The following POLD1 variants were observed in gnomAD, a reference collection of about 807,000 sequenced individuals.
POLD1 encodes DNA polymerase delta 1, catalytic subunit.
POLD1 carries 79 observed loss-of-function variants against 129.7 expected under a neutral mutation model. The ratio of observed to expected loss-of-function variants is 0.61; its 90% confidence interval spans 0.51 to 0.73. The LOEUF (loss-of-function observed/expected upper bound fraction) is 0.73. Among genes scored for constraint, POLD1 ranks in the 30% least tolerant of loss-of-function variants. The probability of loss-of-function intolerance (pLI) is 0.00; values close to 1 mark genes in which losing one functional copy is unlikely to be tolerated. For missense variants in POLD1, 1,338 were observed against 1,595.8 expected (o/e 0.84, Z 2.75); for synonymous variants, 714 against 683.3 (o/e 1.04, Z -0.70).
intron 1 of POLD1, among the ~76,000 whole-genome samples, chr19:50,386,319 G>A (rs1309599182): frequency 6.6e-6 from 1 of 151,930 alleles, no homozygotes; most frequent in Non-Finnish European, 1.5e-5. Flanking sequence ...TGTATTTTTA[G>A]TAGAGACAGG....
chr19:50,411,732 C>T (rs1416354978), intron 17 of POLD1, among the ~76,000 whole-genome samples: 1 of 151,704 alleles, frequency 6.6e-6, no homozygotes, highest in African/African-American at 2.4e-5. Context: ...CCCAGCTACT[C>T]GGGAGGCTGA....
Position 50,406,878 on chromosome 19 carries a change from C to G in POLD1, c.1495-105C>G. ...GAGGGCCCTCCTGCCCGCCTCACCT[C>G]CCAGGCCCTCCCCAGGCTACCTCAC... On this transcript the variant is annotated intron_variant, in intron 12 of 26. Transcript: ENST00000440232. The surrounding 1 kb of genome is among the most constrained non-coding windows in gnomAD (Gnocchi z 5.5). The G allele has an allele frequency of 1.0e-6, 1 of 973,416 alleles. No individual in the cohort carries two copies. Among genetic ancestry groups the G allele is most frequent in the Non-Finnish European group, 1.5e-6 (1 of 653,750 alleles). 60.3% of individuals were successfully genotyped at this position (973,416 alleles called of 1,614,324 possible).
rs370970182 is a variant in POLD1, at chr19:50,415,429, C to G, written c.2565-9C>G. On this transcript the variant is annotated splice_polypyrimidine_tract_variant and intron_variant, in intron 20 of 26. Transcript: ENST00000440232. ...TTTTGGTGACGCTGTGCGGCCCGCT[C>G]TCCTACAGAGACCCTGAGGGCGCGG... The G allele has an allele frequency of 1.2e-6, 2 of 1,610,894 alleles. No individual in the cohort carries two copies. Among genetic ancestry groups the G allele is most frequent in the South Asian group, 1.1e-5 (1 of 90,954 alleles).
chr19:50,399,360 TC>T lies in POLD1; in HGVS notation c.203-6del, dbSNP rs753715469. ...CTCCATGTACTCCACTTCCTTCCCT[TC>T]CCCCACCAGGGCAGGTCCCACCATC... On this transcript the variant is annotated splice_polypyrimidine_tract_variant and intron_variant, in intron 2 of 26. Coordinates refer to ENST00000440232, the MANE Select transcript of POLD1 (RefSeq NM_002691.4). The T allele has an allele frequency of 1.1e-5, 17 of 1,603,696 alleles. No homozygotes were observed. Among genetic ancestry groups the T allele is most frequent in the Non-Finnish European group, 1.4e-5 (16 of 1,170,852 alleles).
In POLD1 at chr19:50,385,469, G is replaced by A. The variant is rs1191407956; in HGVS notation, c.-2+1079G>A. On this transcript the variant is annotated intron_variant, in intron 1 of 26. Coordinates refer to ENST00000440232, the MANE Select transcript of POLD1 (RefSeq NM_002691.4). ...GAGCGGAGCCAGGAGTGGGCAGGGC[G>A]ATGTCAGTGCCTCGCCTCAGCCCTT... is the stretch of plus-strand genomic sequence containing the variant. Among the ~76,000 whole-genome samples, 3 of 152,090 alleles carry A rather than the reference G, an allele frequency of 2.0e-5. No individual in the cohort carries two copies. In the East Asian group the frequency reaches 5.8e-4, roughly 29 times the overall value.
Position 50,415,764 on chromosome 19 carries a change from G to A in POLD1, c.2758G>A (p.Asp920Asn), listed in dbSNP as rs1060501811. The change falls in exon 22 of 27, where the codon GAC (aspartate) becomes AAC (asparagine). Residue 920 changes from aspartate (D) to asparagine (N), a missense_variant. Around this residue, in one of 3 missense-constraint regions of POLD1, gnomAD observed 286 missense variants for 277.5 expected, o/e 1.03. Coordinates refer to ENST00000440232, the MANE Select transcript of POLD1 (RefSeq NM_002691.4). ...CCCCGGGAGTGCGCCCAGCCTGGGC[G>A]ACCGCGTCCCCTACGTGATCATCAG... is the stretch of plus-strand genomic sequence containing the variant. ...RDPGSAPSLG[D>N]RVPYVIISAA... 2.8e-5 allele frequency: 44 copies of A among 1,570,188 alleles called. No individual in the cohort carries two copies. The highest frequency in any genetic ancestry group is 3.7e-5 in the Non-Finnish European group (43 of 1,160,582).
In POLD1 at chr19:50,402,717, G is replaced by C. The variant is rs746087148; in HGVS notation, c.946G>C (p.Asp316His). ...TGCGCCCTTGCGCGTGCTCAGCTTCGATATCGAGTGCGCCGGCCGCAAAGG... is the reference window on the plus strand; with the variant it reads ...TGCGCCCTTGCGCGTGCTCAGCTTCCATATCGAGTGCGCCGGCCGCAAAGG... ...RIAPLRVLSF[D>H]IECAGRKGIF... is the part of the protein sequence containing the mutation. Residue 316 changes from aspartate to histidine, a missense_variant, in exon 8 of 27, where the codon GAT becomes CAT. By Grantham distance (81) the Asp-to-His change is moderately conservative (BLOSUM62 -1). Coordinates refer to ENST00000440232, the MANE Select transcript of POLD1 (RefSeq NM_002691.4). 1 of 1,596,284 alleles carries C rather than the reference G, an allele frequency of 6.3e-7. No individual in the cohort carries two copies. Among genetic ancestry groups the C allele is most frequent in the Non-Finnish European group, 8.6e-7 (1 of 1,167,868 alleles).
rs1358500308 is a variant in POLD1, at chr19:50,413,718, TAC to T, written c.2251-18_2251-17del. On this transcript the variant is annotated intron_variant, in intron 18 of 26. Transcript: ENST00000440232. The stretch of plus-strand genomic sequence containing the variant: ...GACAGAAGGGACCCTGCTTCTCACA[TAC>T]ACACATCCCCACCGCCCGCAGGTGG... 3.8e-6 allele frequency: 6 copies of T among 1,581,918 alleles called. No homozygotes were observed. The highest frequency in any genetic ancestry group is 1.7e-4 in the Middle Eastern group (1 of 5,918).
intron 10 of POLD1, among the ~76,000 whole-genome samples, chr19:50,405,826 C>T (rs376457742): frequency 6.6e-6 from 1 of 152,158 alleles, no homozygotes; most frequent in Non-Finnish European, 1.5e-5. Context: ...AGCCCAGCTC[C>T]ACGCCGCCTC....
chr19:50,402,512 T>TA lies in POLD1; in HGVS notation c.818dup (p.Tyr273Ter), dbSNP rs2038690646. Reference sequence around the variant, plus strand: ...CTGGCTGGAGCTCCCAGCTGGGAAATACGCCCTGAGGCTGAAGGAGAAGGT... The same window carrying TA: ...CTGGCTGGAGCTCCCAGCTGGGAAATAACGCCCTGAGGCTGAAGGAGAAGGT... ...CNWLELPAGKYALRLKEKATQ... is the reference protein window; with the variant it reads ...CNWLELPAGK The change falls in exon 7 of 27, where the codon TAC (tyrosine) becomes TAAC (stop). Residue 273 changes from tyrosine to a stop codon, truncating the protein, a stop_gained and frameshift_variant. Transcript: ENST00000440232. LOFTEE classifies it high-confidence loss of function. 1 of 1,608,020 alleles carries TA rather than the reference T, an allele frequency of 6.2e-7. No individual in the cohort carries two copies. Among genetic ancestry groups the TA allele is most frequent in the Non-Finnish European group, 8.5e-7 (1 of 1,177,598 alleles).
rs761250116 is a variant in POLD1, at chr19:50,402,470, G to T, written c.775G>T (p.Asp259Tyr). Residue 259 changes from aspartate to tyrosine, a missense_variant, in exon 7 of 27, where the codon GAC (aspartate) becomes TAC (tyrosine). By Grantham distance (160) the Asp-to-Tyr change is radical. Transcript: ENST00000440232. ...CCCCTCCAGGTTCATGGTGGACACGGACATCGTCGGCTGCAACTGGCTGGA... is the reference window on the plus strand; with the variant it reads ...CCCCTCCAGGTTCATGGTGGACACGTACATCGTCGGCTGCAACTGGCTGGA... Reference protein sequence around the residue: ...DFEIRFMVDTDIVGCNWLELP... With the variant: ...DFEIRFMVDTYIVGCNWLELP... The T allele has an allele frequency of 6.2e-7, 1 of 1,612,638 alleles. No homozygotes were observed. The highest frequency in any genetic ancestry group is 8.5e-7 in the Non-Finnish European group (1 of 1,179,470).
intron 1 of POLD1, among the ~76,000 whole-genome samples, chr19:50,384,734 C>G (rs2037911584): frequency 6.6e-6 from 1 of 152,146 alleles, no homozygotes. Context: ...AGGCACTTTT[C>G]TGGAAGCAGG....
rs552543201 is a variant in POLD1 at position 50,389,247 on chromosome 19, G to C, written c.-2+4857G>C. On this transcript the variant is annotated intron_variant, in intron 1 of 26. Transcript: ENST00000440232. ...AGGCTCAGCTGATCCTCAGCCTCTC[G>C]AGTAGCTGGGACTAAAGGTGTGTGC... Among the ~76,000 whole-genome samples, 7 of 151,788 alleles carry C rather than the reference G, an allele frequency of 4.6e-5. No homozygotes were observed. In the East Asian group the frequency reaches 1.2e-3, roughly 25 times the overall value.
Position 50,404,574 on chromosome 19 carries a change from C to CTTTTTTTT in POLD1, c.1242+992_1242+999dup, listed in dbSNP as rs71182717. On this transcript the variant is annotated intron_variant, in intron 10 of 26. Transcript: ENST00000440232. ...ACTGCACCCAACCCCTTTTCTCTTT[C>CTTTTTTTT]TTTTTTTTTTTTTTTTTTTTTTGAG... is the stretch of plus-strand genomic sequence containing the variant. 7.7e-4 allele frequency among the ~76,000 whole-genome samples: 60 copies of CTTTTTTTT among 77,862 alleles called. 1 individual carries two copies. Among genetic ancestry groups the CTTTTTTTT allele is most frequent in the South Asian group, 1.5e-3 (3 of 1,972 alleles). The allele number at this position is 77,862 out of a possible 152,430, so 51.1% of individuals were successfully genotyped here.
At chr19:50,415,017 C>G (rs1316551670) in intron 20 of POLD1, 27 bp downstream of exon 20, 1 of 1,498,382 alleles carries the variant, frequency 6.7e-7, no homozygotes, top group Non-Finnish European at 8.9e-7. Context: ...CCCTCAGACT[C>G]AGGGGGCTGG....
At chr19:50,413,590 C>A in intron 18 of POLD1, 69 bp downstream of exon 18, 1 of 1,528,102 alleles carries the variant, frequency 6.5e-7, no homozygotes, top group Non-Finnish European at 9.0e-7. Context: ...CCGGGCCGGA[C>A]CCCCATGTCC....
chr19:50,416,692 C>G lies in POLD1; in HGVS notation c.3036C>G (p.Cys1012Trp). Residue 1012 changes from cysteine (C) to tryptophan (W), a missense_variant, in exon 24 of 27, where the codon TGC becomes TGG. Coordinates refer to ENST00000440232, the MANE Select transcript of POLD1 (RefSeq NM_002691.4). ...LLAFAKRRNC[C>W]IGCRTVLSHQ... Reference sequence around the variant, plus strand: ...CCTTCGCCAAACGCCGCAACTGCTGCATTGGCTGCCGCACAGTGCTCAGCC... The same window carrying G: ...CCTTCGCCAAACGCCGCAACTGCTGGATTGGCTGCCGCACAGTGCTCAGCC... 6.5e-7 allele frequency: 1 copy of G among 1,546,092 alleles called. No homozygotes were observed.
chr19:50,397,799 T>C (rs992985931), intron 1 of POLD1, among the ~76,000 whole-genome samples: 18 of 152,192 alleles, frequency 1.2e-4, no homozygotes, highest in South Asian at 6.2e-4. Flanking sequence ...CTACTGTGGG[T>C]CCTGGACTCG....
At chr19:50,401,139 A>G (rs1408168141) in intron 3 of POLD1, among the ~76,000 whole-genome samples, 3 of 151,364 alleles carry the variant, frequency 2.0e-5, no homozygotes, top group Non-Finnish European at 4.4e-5. Flanking sequence ...AATTCAAAAA[A>G]TTAGCCAGGT....
Sources: gnomAD v4.1 joint callset for allele counts (sites outside exome capture counted in the v4.1 genomes callset) on GRCh38, gnomAD v4.1.1 for gene constraint, gnomAD v4.1.1 regional missense constraint, Gnocchi (gnomAD v3.1) non-coding constraint, MANE v1.5 for transcripts, NCBI Gene and HGNC (gene_info 2026-07-23, HGNC 2026-07-21) for gene names.